KCNT2: variants seen among roughly 807,000 people sequenced by gnomAD.
The protein encoded by KCNT2 is potassium channel subfamily T member 2.
A neutral mutation model predicts 153.8 loss-of-function variants in KCNT2; 67 were observed. That is an observed-to-expected ratio of 0.44 (90% CI 0.36 to 0.53). The LOEUF (loss-of-function observed/expected upper bound fraction) is 0.53, where lower values mean the gene tolerates loss of function less well. KCNT2 is among the 20% of genes least tolerant of loss of function. KCNT2 has a pLI of 0.00. For synonymous variants in KCNT2, 500 were observed against 458.8 expected (o/e 1.09, Z -1.15); for missense variants, 975 against 1,354.8 (o/e 0.72, Z 4.40).
At chr1:196,502,147 C>T (rs1427950338) in intron 1 of KCNT2, among the ~76,000 whole-genome samples, 1 of 152,108 alleles carries the variant, frequency 6.6e-6, no homozygotes, top group Non-Finnish European at 1.5e-5. Context: ...ATAGTTCAGG[C>T]TCAAGTGCTT....
intron 1 of KCNT2, among the ~76,000 whole-genome samples, chr1:196,526,839 T>A (rs1254069051): frequency 6.6e-6 from 1 of 152,076 alleles, no homozygotes; most frequent in East Asian, 1.9e-4. Flanking sequence ...GTCTAGCACT[T>A]TTTTGCATAC....
chr1:196,477,747 TTC>T (rs1316170496), intron 5 of KCNT2, among the ~76,000 whole-genome samples: 1 of 152,180 alleles, frequency 6.6e-6, no homozygotes, highest in African/African-American at 2.4e-5. Flanking sequence ...CTTTTCTAAC[TTC>T]TCTGTCTTCC....
intron 17 of KCNT2, among the ~76,000 whole-genome samples, chr1:196,332,041 A>G (rs1201369119): frequency 6.6e-6 from 1 of 152,162 alleles, no homozygotes; most frequent in Admixed American, 6.6e-5. Flanking sequence ...AGTGAAAATA[A>G]TATTCCTTTA....
At position 196,431,912 on chromosome 1, in the gene KCNT2, T is replaced by C. The variant is rs573905230; in HGVS notation, c.639-2155A>G. 2.7e-3 allele frequency among the ~76,000 whole-genome samples: 410 copies of C among 152,220 alleles called. 3 individuals are homozygous for C. Among genetic ancestry groups the C allele is most frequent in the African/African-American group, 9.4e-3 (390 of 41,562 alleles). On this transcript the variant is annotated intron_variant, in intron 8 of 27. Coordinates refer to ENST00000294725, the MANE Select transcript of KCNT2 (RefSeq NM_198503.5). ...TCTTGTAAGATAAAAGGAAGCCAGG[T>C]GGTCTTCATCAAGACAATGGAAGAA...
chr1:196,431,032 G>C (rs1674105929), intron 8 of KCNT2, among the ~76,000 whole-genome samples: 2 of 152,102 alleles, frequency 1.3e-5, no homozygotes, highest in Admixed American at 1.3e-4. Context: ...AAGTGTTGGA[G>C]GGAACCAGCT....
At chr1:196,316,417 A>G (rs563169769) in intron 20 of KCNT2, among the ~76,000 whole-genome samples, 1 of 151,854 alleles carries the variant, frequency 6.6e-6, no homozygotes, top group East Asian at 1.9e-4. Flanking sequence ...CTTCTAAAGT[A>G]ATTTTGGTAA....
At position 196,327,668 on chromosome 1, in the gene KCNT2, C is replaced by CTTTTTTTTTTTTT. The variant is rs773639795; in HGVS notation, c.2104-792_2104-780dup. On this transcript the variant is annotated intron_variant, in intron 18 of 27. Coordinates refer to ENST00000294725, the MANE Select transcript of KCNT2 (RefSeq NM_198503.5). The stretch of plus-strand genomic sequence containing the variant: ...TTTATCACCTCTGGAATATTCTGAT[C>CTTTTTTTTTTTTT]TTTTTTTTTTTTTTTGAGACAGGGC... Among the ~76,000 whole-genome samples, 204 of 127,752 alleles carry CTTTTTTTTTTTTT rather than the reference C, an allele frequency of 1.6e-3. 2 individuals carry two copies. Among genetic ancestry groups the CTTTTTTTTTTTTT allele is most frequent in the African/African-American group, 4.1e-3 (125 of 30,692 alleles). 83.8% of individuals were successfully genotyped at this position (127,752 alleles called of 152,430 possible).
intron 5 of KCNT2, among the ~76,000 whole-genome samples, chr1:196,475,081 A>C (rs956605680): frequency 6.6e-6 from 1 of 152,204 alleles, no homozygotes; most frequent in Admixed American, 6.5e-5. Context: ...AAGAATTATA[A>C]AGTGCTTGCA....
intron 1 of KCNT2, among the ~76,000 whole-genome samples, chr1:196,565,624 A>T (rs1328079498): frequency 6.7e-6 from 1 of 149,962 alleles, no homozygotes; most frequent in Non-Finnish European, 1.5e-5. Flanking sequence ...TATATGTTGT[A>T]TATATTATCA....
chr1:196,560,581 C>T (rs1236803653), intron 1 of KCNT2, among the ~76,000 whole-genome samples: 1 of 151,774 alleles, frequency 6.6e-6, no homozygotes, highest in Non-Finnish European at 1.5e-5. Flanking sequence ...ATATAAAGAA[C>T]AAAAGGGGTA....
intron 3 of KCNT2, among the ~76,000 whole-genome samples, chr1:196,484,736 C>T (rs1211944970): frequency 2.0e-5 from 3 of 152,044 alleles, no homozygotes; most frequent in Non-Finnish European, 4.4e-5. Context: ...TTTCAGTTTT[C>T]TGCATATGGC....
At chr1:196,316,507 T>A (rs186705059) in intron 20 of KCNT2, among the ~76,000 whole-genome samples, 146 of 151,840 alleles carry the variant, frequency 9.6e-4, no homozygotes, top group African/African-American at 3.5e-3. Context: ...TGTTTATTTT[T>A]AAATGTTTAT....
intron 12 of KCNT2, among the ~76,000 whole-genome samples, chr1:196,418,608 G>A (rs1054745446): frequency 5.9e-5 from 9 of 151,962 alleles, no homozygotes; most frequent in African/African-American, 2.2e-4. Flanking sequence ...CTGTGACATT[G>A]GCCTCTTTAC....
At chr1:196,257,588 T>G in intron 26 of KCNT2, 1 of 923,772 alleles carries the variant, frequency 1.1e-6, no homozygotes, top group Non-Finnish European at 1.3e-6. Flanking sequence ...ATAATTGCAT[T>G]ATTTAAGCTT....
intron 13 of KCNT2, among the ~76,000 whole-genome samples, chr1:196,393,565 A>C (rs1670664077): frequency 6.7e-6 from 1 of 150,182 alleles, no homozygotes; most frequent in East Asian, 2.0e-4. Flanking sequence ...AGTAAAGTAC[A>C]TGTTTTTTCT....
intron 12 of KCNT2, chr1:196,404,107 T>G: frequency 1.0e-6 from 1 of 955,604 alleles, no homozygotes; most frequent in Non-Finnish European, 1.2e-6. Context: ...AGATACTAAA[T>G]CTTCAGCTTC....
At chr1:196,506,626 A>C (rs74583040) in intron 1 of KCNT2, among the ~76,000 whole-genome samples, 1 of 152,102 alleles carries the variant, frequency 6.6e-6, no homozygotes, top group African/African-American at 2.4e-5. Flanking sequence ...ATTCTAAATC[A>C]GTTTTCCACC....
chr1:196,542,933 A>G (rs1302931746), intron 1 of KCNT2, among the ~76,000 whole-genome samples: 1 of 152,156 alleles, frequency 6.6e-6, no homozygotes, highest in Non-Finnish European at 1.5e-5. Context: ...AAAATGACCA[A>G]GATACAGAAT....
chr1:196,438,065 T>C (rs1042582686), intron 8 of KCNT2, among the ~76,000 whole-genome samples: 9 of 151,700 alleles, frequency 5.9e-5, no homozygotes, highest in African/African-American at 2.2e-4. Flanking sequence ...ATATTAATAA[T>C]AATATTAACT....
Sources: allele counts gnomAD v4.1 joint callset (sites outside exome capture counted in the v4.1 genomes callset), GRCh38; gene constraint gnomAD v4.1.1; transcripts MANE v1.5; gene names NCBI Gene and HGNC (gene_info 2026-07-23, HGNC 2026-07-21).